Variants in TRPC5 observed in about 807,000 individuals in gnomAD.
TRPC5 encodes the protein transient receptor potential cation channel subfamily C member 5, also known as short transient receptor potential channel 5.
A neutral mutation model predicts 56.5 loss-of-function variants in TRPC5; 9 were observed. The observed-to-expected ratio is 0.16, with a 90% CI of 0.10 to 0.28. The LOEUF (loss-of-function observed/expected upper bound fraction) is 0.28, where lower values mean the gene tolerates loss of function less well. Ranked by LOEUF, TRPC5 falls within the 10% of genes least tolerant of loss-of-function variation. The pLI is 1.00. For synonymous variants in TRPC5, 282 were observed against 278.5 expected, an observed-to-expected ratio of 1.01 and a Z score of -0.13; for missense variants, 469 against 748.9, an observed-to-expected ratio of 0.63 and a Z score of 4.36.
At chrX:112,041,641 G>A (rs760862712) in intron 1 of TRPC5, among the ~76,000 whole-genome samples, 1 of 111,438 alleles carries the variant, frequency 9.0e-6, no homozygotes, top group Non-Finnish European at 1.9e-5. Context: ...AACTCTGGGG[G>A]TAAGGGGTCG....
intron 1 of TRPC5, among the ~76,000 whole-genome samples, chrX:112,007,958 C>T (rs1417226179): frequency 9.0e-6 from 1 of 111,622 alleles, no homozygotes; most frequent in Non-Finnish European, 1.9e-5. Flanking sequence ...GGAATTTCAT[C>T]ACATAGCCAC....
At chrX:111,963,185 A>C (rs929484692) in intron 1 of TRPC5, among the ~76,000 whole-genome samples, 6 of 112,414 alleles carry the variant, frequency 5.3e-5, no homozygotes, top group African/African-American at 9.7e-5. Context: ...TATCCCGCAC[A>C]TGGCTCAGAG....
In TRPC5 at chrX:111,873,342, A is replaced by G. The variant is rs147693303; in HGVS notation, c.901-19236T>C. 1.9e-4 allele frequency among the ~76,000 whole-genome samples: 21 copies of G among 111,480 alleles called. No individual in the cohort carries two copies. The East Asian group carries it at 5.9e-3, about 32-fold the overall frequency. On this transcript the variant is annotated intron_variant, in intron 3 of 10. Transcript: ENST00000262839. ...AAGATGGGAACAATAGACACTGGGA[A>G]TCACTAGATAGGGGAGAAATGGGGG...
intron 1 of TRPC5, among the ~76,000 whole-genome samples, chrX:112,057,585 C>A (rs1236934178): frequency 4.5e-5 from 5 of 111,767 alleles, no homozygotes; most frequent in South Asian, 3.8e-4. Context: ...TTTATTGATT[C>A]CACGTTCCTA....
intron 1 of TRPC5, among the ~76,000 whole-genome samples, chrX:111,972,946 A>T (rs1316506052): frequency 1.8e-5 from 2 of 111,731 alleles, no homozygotes; most frequent in African/African-American, 6.5e-5. Context: ...TGAGGTTTAT[A>T]GATGGACTTC....
At chrX:112,047,388 G>A (rs1001023618) in intron 1 of TRPC5, among the ~76,000 whole-genome samples, 2 of 111,235 alleles carry the variant, frequency 1.8e-5, no homozygotes, top group African/African-American at 3.3e-5. Context: ...TGATTCAGTT[G>A]GTCTGAGGTA....
At chrX:112,053,299 T>C (rs1340940175) in intron 1 of TRPC5, among the ~76,000 whole-genome samples, 1 of 111,927 alleles carries the variant, frequency 8.9e-6, no homozygotes, top group Non-Finnish European at 1.9e-5. Context: ...CATTTTCTTG[T>C]AGAAATGAAG....
chrX:111,794,640 C>G (rs1324119775), intron 7 of TRPC5, among the ~76,000 whole-genome samples: 1 of 111,646 alleles, frequency 9.0e-6, no homozygotes, highest in Non-Finnish European at 1.9e-5. Flanking sequence ...AAATTTATTT[C>G]TCACAATTCT....
intron 1 of TRPC5, among the ~76,000 whole-genome samples, chrX:111,958,754 G>A (rs1927299921): frequency 8.9e-6 from 1 of 111,763 alleles, no homozygotes; most frequent in Non-Finnish European, 1.9e-5. Flanking sequence ...AATTCCCACT[G>A]ATACACACTA....
intron 1 of TRPC5, among the ~76,000 whole-genome samples, chrX:112,061,995 C>A (rs1015329244): frequency 3.6e-5 from 4 of 111,768 alleles, no homozygotes; most frequent in African/African-American, 1.3e-4. Context: ...TCATCTTTTT[C>A]TTCCTCCTAT....
At chrX:112,062,820 G>C (rs1930488718) in intron 1 of TRPC5, among the ~76,000 whole-genome samples, 1 of 111,878 alleles carries the variant, frequency 8.9e-6, no homozygotes, top group South Asian at 3.7e-4. Flanking sequence ...TAATGTCAAG[G>C]GAGGATGAAT....
At chrX:111,880,087 CT>C (rs1261333523) in intron 3 of TRPC5, among the ~76,000 whole-genome samples, 271 of 102,520 alleles carry the variant, frequency 2.6e-3, no homozygotes, top group South Asian at 5.1e-3. Flanking sequence ...TTTGTTGCTG[CT>C]TTTTTTTTTT....
chrX:111,973,923 A>G (rs996643470), intron 1 of TRPC5, among the ~76,000 whole-genome samples: 2 of 111,601 alleles, frequency 1.8e-5, no homozygotes, highest in Non-Finnish European at 3.8e-5. Context: ...TATATACAAT[A>G]TAAGTTGGCA....
chrX:111,904,287 A>G (rs1407107688), intron 3 of TRPC5, among the ~76,000 whole-genome samples: 1 of 112,589 alleles, frequency 8.9e-6, no homozygotes, highest in African/African-American at 3.2e-5. Context: ...TTGAGACAGA[A>G]TATATGAAAT....
At chrX:111,914,015 A>G (rs1181897967) in intron 2 of TRPC5, among the ~76,000 whole-genome samples, 3 of 108,802 alleles carry the variant, frequency 2.8e-5, no homozygotes, top group African/African-American at 1.0e-4. Flanking sequence ...TCAGTCCAGT[A>G]GGGAAACTGA....
chrX:111,997,138 G>A (rs1398368333), intron 1 of TRPC5, among the ~76,000 whole-genome samples: 2 of 111,683 alleles, frequency 1.8e-5, no homozygotes, highest in Admixed American at 9.6e-5. Context: ...GGCTGGTACC[G>A]GTTGTTTCTT....
At chrX:111,941,327 A>G (rs911076171) in intron 2 of TRPC5, among the ~76,000 whole-genome samples, 1 of 110,494 alleles carries the variant, frequency 9.1e-6, no homozygotes, top group African/African-American at 3.3e-5. Context: ...TTTCCTGAAG[A>G]TGTGTCTTAG....
chrX:111,810,574 CTA>C (rs61486180), intron 7 of TRPC5, among the ~76,000 whole-genome samples: 5,775 of 111,546 alleles, frequency 0.052, 355 homozygotes, highest in African/African-American at 0.18. Context: ...TAATTAAACT[CTA>C]TCAATTCACA....
At chrX:111,862,479 C>T (rs1391973165) in intron 3 of TRPC5, among the ~76,000 whole-genome samples, 3 of 112,229 alleles carry the variant, frequency 2.7e-5, no homozygotes, top group Non-Finnish European at 5.6e-5. Context: ...TACATAGATA[C>T]TAATCTGACA....
Sources: gnomAD v4.1 joint callset for allele counts (sites outside exome capture counted in the v4.1 genomes callset) on GRCh38, gnomAD v4.1.1 for gene constraint, MANE v1.5 for transcripts, NCBI Gene and HGNC (gene_info 2026-07-23, HGNC 2026-07-21) for gene names.